Variants in CAST observed in about 807,000 individuals in gnomAD.
The protein encoded by CAST is calpastatin, also known as MIR583 host.
CAST carries 76 observed loss-of-function variants against 119.6 expected under a neutral mutation model. The ratio of observed to expected loss-of-function variants is 0.64; its 90% CI spans 0.53 to 0.77. CAST has a LOEUF of 0.77. Ranked by LOEUF, CAST falls within the 30% of genes least tolerant of loss-of-function variation. The probability of loss-of-function intolerance (pLI) is 0.00; values close to 1 mark genes in which losing one functional copy is unlikely to be tolerated. For missense variants in CAST, 953 were observed against 946.5 expected (o/e 1.01, Z -0.09); for synonymous variants, 319 against 331.6 (o/e 0.96, Z 0.41).
chr5:96,396,629 C>T, the CAST span, among the ~76,000 whole-genome samples: 1 of 151,734 alleles, frequency 6.6e-6, no homozygotes, highest in East Asian at 1.9e-4. Context: ...ACTTTTGTCA[C>T]AGAAGAACTC....
At chr5:96,018,451 A>T in the CAST span, among the ~76,000 whole-genome samples, 1 of 152,116 alleles carries the variant, frequency 6.6e-6, no homozygotes, top group South Asian at 2.1e-4. Context: ...AAGTCAAATT[A>T]TTTTCTAAAA....
chr5:96,051,055 A>C, the CAST span, among the ~76,000 whole-genome samples: 6 of 151,992 alleles, frequency 3.9e-5, no homozygotes, highest in Non-Finnish European at 8.8e-5. Flanking sequence ...ATTCTAAATT[A>C]ACTTAAAAAA....
chr5:96,712,821 C>CT (rs1459895025), intron 3 of CAST, among the ~76,000 whole-genome samples: 2 of 152,086 alleles, frequency 1.3e-5, no homozygotes, highest in African/African-American at 4.8e-5. Flanking sequence ...TGTTACAGTT[C>CT]TCATGACGTT....
At chr5:95,994,769 T>C in the CAST span, among the ~76,000 whole-genome samples, 1 of 152,130 alleles carries the variant, frequency 6.6e-6, no homozygotes. Flanking sequence ...TAAATTTAGC[T>C]TCCAGATTCC....
chr5:96,155,286 C>A, the CAST span, among the ~76,000 whole-genome samples: 1 of 152,106 alleles, frequency 6.6e-6, no homozygotes, highest in Non-Finnish European at 1.5e-5. Context: ...TAATGGCAGC[C>A]TAGAGAGCAC....
intron 3 of CAST, among the ~76,000 whole-genome samples, chr5:96,703,083 G>T (rs562790363): frequency 3.3e-5 from 5 of 152,154 alleles, no homozygotes; most frequent in Admixed American, 2.0e-4. Context: ...GATACCGTGC[G>T]TTCTGAGTTT....
At chr5:96,595,427 G>A (rs1747036923) in intron 1 of CAST, among the ~76,000 whole-genome samples, 1 of 152,228 alleles carries the variant, frequency 6.6e-6, no homozygotes, top group Non-Finnish European at 1.5e-5. Context: ...GGGAAGCTGT[G>A]AATCAGCAGC....
intron 2 of CAST, among the ~76,000 whole-genome samples, chr5:96,691,136 A>G (rs905898721): frequency 2.0e-5 from 3 of 152,216 alleles, no homozygotes; most frequent in African/African-American, 7.2e-5. Context: ...TGCAATGCCA[A>G]TATCATGTGC....
At chr5:96,579,013 G>A (rs1036166103) in intron 1 of CAST, among the ~76,000 whole-genome samples, 24 of 152,176 alleles carry the variant, frequency 1.6e-4, no homozygotes, top group Non-Finnish European at 3.2e-4. Flanking sequence ...GAAGAAAGTG[G>A]AAGGGGTTTC....
chr5:96,030,516 G>C, the CAST span, among the ~76,000 whole-genome samples: 100 of 152,252 alleles, frequency 6.6e-4, no homozygotes, highest in Admixed American at 1.4e-3. Flanking sequence ...GTAGGGATAG[G>C]CTCATGAAAA....
chr5:96,193,376 TAGGTAGGTGATTTCATAGCTGG>T, the CAST span, among the ~76,000 whole-genome samples: 1 of 152,140 alleles, frequency 6.6e-6, no homozygotes, highest in African/African-American at 2.4e-5. Flanking sequence ...GATGAGAATA[TAGGTAGGTGATTTCATAGCTGG>T]ATGAACAAGA....
At chr5:96,272,263 T>C in the CAST span, among the ~76,000 whole-genome samples, 1 of 152,168 alleles carries the variant, frequency 6.6e-6, no homozygotes, top group African/African-American at 2.4e-5. Flanking sequence ...CTACTGGGTA[T>C]GTATCAAAAG....
chr5:96,748,086 G>A (rs1358994066), intron 18 of CAST, among the ~76,000 whole-genome samples: 1 of 152,150 alleles, frequency 6.6e-6, no homozygotes, highest in Non-Finnish European at 1.5e-5. Flanking sequence ...AGGGGTAGCA[G>A]AACTTTGCTG....
At chr5:96,226,390 C>T in the CAST span, among the ~76,000 whole-genome samples, 1 of 152,140 alleles carries the variant, frequency 6.6e-6, no homozygotes, top group Non-Finnish European at 1.5e-5. Flanking sequence ...GTGGGTTATG[C>T]CTGTAATCCC....
At chr5:96,350,851 T>C in the CAST span, among the ~76,000 whole-genome samples, 2 of 152,174 alleles carry the variant, frequency 1.3e-5, no homozygotes, top group African/African-American at 4.8e-5. Flanking sequence ...TGCGTAATTA[T>C]CATTGCACAA....
At chr5:96,249,812 A>C in the CAST span, among the ~76,000 whole-genome samples, 1 of 152,190 alleles carries the variant, frequency 6.6e-6, no homozygotes, top group Non-Finnish European at 1.5e-5. Flanking sequence ...ATTTTAAGTA[A>C]ATGTCACTAC....
chr5:96,748,017 A>G (rs1764146328), intron 18 of CAST, among the ~76,000 whole-genome samples: 1 of 152,132 alleles, frequency 6.6e-6, no homozygotes, highest in Non-Finnish European at 1.5e-5. Context: ...CTATCATGTT[A>G]CTGTTGTTAG....
chr5:96,488,554 C>T, the CAST span, among the ~76,000 whole-genome samples: 1 of 152,126 alleles, frequency 6.6e-6, no homozygotes. Context: ...TACATATTGT[C>T]GTGTAGCTAG....
chr5:96,370,022 C>G, the CAST span, among the ~76,000 whole-genome samples: 1 of 151,940 alleles, frequency 6.6e-6, no homozygotes, highest in African/African-American at 2.4e-5. Context: ...TGGTTTTGAA[C>G]TTCAAAATGG....
Sources: gnomAD v4.1 joint callset for allele counts (sites outside exome capture counted in the v4.1 genomes callset) on GRCh38, gnomAD v4.1.1 for gene constraint, MANE v1.5 for transcripts, NCBI Gene and HGNC (gene_info 2026-07-23, HGNC 2026-07-21) for gene names.